The following EARS2 variants were observed in gnomAD, a reference collection of about 807,000 sequenced individuals.
EARS2 encodes the protein nondiscriminating glutamyl-tRNA synthetase EARS2, mitochondrial.
EARS2 carries 50 observed loss-of-function variants against 54.1 expected under a neutral mutation model. That is an observed-to-expected ratio of 0.92 (90% CI 0.74 to 1.17). The LOEUF is 1.17. Among genes scored for constraint, EARS2 ranks in the 50% most tolerant of loss-of-function variants. The pLI is 0.00. For missense variants in EARS2, 673 were observed against 675.0 expected, an observed-to-expected ratio of 1.00 and a Z score of 0.03; for synonymous variants, 298 against 281.0, an observed-to-expected ratio of 1.06 and a Z score of -0.61.
At chr16:23,539,487 G>C (rs1029871708) in intron 3 of EARS2, among the ~76,000 whole-genome samples, 59 of 152,042 alleles carry the variant, frequency 3.9e-4, no homozygotes, top group Admixed American at 3.9e-3. Flanking sequence ...TGACCCATAG[G>C]GTTCTGGGTA....
At chr16:23,532,578 C>T in intron 5 of EARS2, 79 bp downstream of exon 5, 3 of 991,076 alleles carry the variant, frequency 3.0e-6, no homozygotes, top group Non-Finnish European at 3.1e-6. Flanking sequence ...TACCAGAGCC[C>T]ATTATACCCT....
rs754591037 is a variant in EARS2, at chr16:23,544,714, G to T, written c.296-11C>A. The T allele has an allele frequency of 1.9e-6, 3 of 1,592,226 alleles. No homozygotes were observed. In the East Asian group the frequency reaches 6.8e-5, roughly 36 times the overall value. On this transcript the variant is annotated splice_polypyrimidine_tract_variant and intron_variant, in intron 2 of 8. Coordinates refer to ENST00000449606, the MANE Select transcript of EARS2 (RefSeq NM_001083614.2). ...CATCAGGCGGGATGCCTGGAACACA[G>T]GGAATAATGACAGCTAAGGTGCACA...
chr16:23,557,235 C>A lies in EARS2; in HGVS notation c.109G>T (p.Val37Leu). The change falls in exon 1 of 9, where the codon GTG becomes TTG. Residue 37 changes from valine to leucine, a missense_variant. Coordinates refer to ENST00000449606, the MANE Select transcript of EARS2 (RefSeq NM_001083614.2). The part of the protein sequence containing the change: ...ANLGTDAGVA[V>L]RVRFAPSPTG... ...GGGCTGGGAGCGAACCGCACTCGCA[C>A]CGCAACCCCGGCATCAGTGCCCAGG... The A allele has an allele frequency of 6.6e-7, 1 of 1,519,870 alleles. No homozygotes were observed. The highest frequency in any genetic ancestry group is 8.7e-7 in the Non-Finnish European group (1 of 1,143,358). The allele number at this position is 1,519,870 out of a possible 1,614,324, so 94.1% of individuals were successfully genotyped here.
intron 1 of EARS2, among the ~76,000 whole-genome samples, chr16:23,554,160 C>A (rs1351804540): frequency 6.6e-6 from 1 of 152,008 alleles, no homozygotes; most frequent in Non-Finnish European, 1.5e-5. Flanking sequence ...CAAGTGTACA[C>A]CACCATGCCC....
intron 2 of EARS2, among the ~76,000 whole-genome samples, chr16:23,547,184 T>TA (rs553003593): frequency 2.6e-5 from 4 of 152,154 alleles, no homozygotes; most frequent in Non-Finnish European, 5.9e-5. Context: ...TATTTGGCTA[T>TA]AAAAAGGAAT....
chr16:23,535,274 A>T lies in EARS2; in HGVS notation c.572T>A (p.Leu191Gln). The change falls in exon 4 of 9, where the codon CTG becomes CAG. Residue 191 changes from leucine to glutamine, a missense_variant. Leu to Gln is a moderately radical substitution (Grantham distance 113). This residue lies in a region of EARS2 where 316 missense variants were observed against 275.2 expected (regional missense o/e 1.15). Transcript: ENST00000449606. ...CTGGAAGGCTGGCACCACCTGCTCC[A>T]GGCGGAAGCGGATCGCAGGCTTGGG... ...KDPKPAIRFR[L>Q]EQVVPAFQDL... is the part of the protein sequence containing the mutation. 1 of 1,608,140 alleles carries T rather than the reference A, an allele frequency of 6.2e-7. No homozygotes were observed. Among genetic ancestry groups the T allele is most frequent in the Non-Finnish European group, 8.5e-7 (1 of 1,179,034 alleles).
intron 3 of EARS2, among the ~76,000 whole-genome samples, chr16:23,543,179 G>T (rs1205001655): frequency 3.3e-5 from 5 of 151,354 alleles, no homozygotes; most frequent in Non-Finnish European, 7.4e-5. Context: ...AGCACTTTAG[G>T]AGGCCAAGGT....
chr16:23,533,152 C>T (rs904145723), intron 4 of EARS2, among the ~76,000 whole-genome samples: 7 of 152,072 alleles, frequency 4.6e-5, no homozygotes, highest in East Asian at 1.9e-4. Context: ...GGTGTGGTGG[C>T]GCATGCCTGT....
intron 7 of EARS2, 61 bp downstream of exon 7, chr16:23,529,441 C>G: frequency 6.4e-7 from 1 of 1,573,944 alleles, no homozygotes; most frequent in East Asian, 2.3e-5. Context: ...GGAAAGAGAG[C>G]CATGGGACAG....
chr16:23,534,052 CAAA>C (rs34263060), intron 4 of EARS2, among the ~76,000 whole-genome samples: 26 of 135,294 alleles, frequency 1.9e-4, no homozygotes, highest in Admixed American at 3.7e-4. Context: ...AGTTCTGTCT[CAAA>C]AAAAAAAAAA....
chr16:23,529,960 C>T lies in EARS2; in HGVS notation c.1068-63G>A, dbSNP rs1956409743. On this transcript the variant is annotated intron_variant, in intron 5 of 8. Coordinates refer to ENST00000449606, the MANE Select transcript of EARS2 (RefSeq NM_001083614.2). ...CCCCAACCCACCCAAACCGTCTCTCCCCCAGGGAAAGGGTGAAGTTGGAAG... is the reference window on the plus strand; with the variant it reads ...CCCCAACCCACCCAAACCGTCTCTCTCCCAGGGAAAGGGTGAAGTTGGAAG... 4 of 1,583,584 alleles carry T rather than the reference C, an allele frequency of 2.5e-6. No homozygotes were observed. In the Admixed American group the frequency reaches 5.3e-5, roughly 21 times the overall value.
chr16:23,525,955 A>T (rs1965219461), intron 7 of EARS2, among the ~76,000 whole-genome samples: 1 of 149,648 alleles, frequency 6.7e-6, no homozygotes, highest in Non-Finnish European at 1.5e-5. Context: ...CCGAGATTGC[A>T]CCATTGCACT....
chr16:23,547,778 G>A (rs1189077632), intron 2 of EARS2, among the ~76,000 whole-genome samples: 1 of 152,078 alleles, frequency 6.6e-6, no homozygotes, highest in African/African-American at 2.4e-5. Context: ...CCATGTGAGA[G>A]CCACCACGCC....
intron 1 of EARS2, chr16:23,556,913 C>T (rs1374645810): frequency 1.6e-6 from 1 of 637,934 alleles, no homozygotes; most frequent in South Asian, 1.5e-5. Context: ...CACTGTATCC[C>T]AGCGTCTACA....
chr16:23,538,222 A>T (rs1348922281), intron 3 of EARS2, among the ~76,000 whole-genome samples: 2 of 152,010 alleles, frequency 1.3e-5, no homozygotes, highest in Non-Finnish European at 2.9e-5. Flanking sequence ...CCCAGGCTGG[A>T]GTGCAGCGGC....
At chr16:23,536,362 T>C (rs1406978421) in intron 3 of EARS2, among the ~76,000 whole-genome samples, 1 of 152,188 alleles carries the variant, frequency 6.6e-6, no homozygotes, top group Non-Finnish European at 1.5e-5. Context: ...CCCAGTGTTT[T>C]GGGAGGTCAA....
rs1965148265 is a variant in EARS2, at chr16:23,522,019, T to C, written c.*2352A>G. On this transcript the variant is annotated 3_prime_UTR_variant, in exon 9 of 9. Transcript: ENST00000449606. ...AAAAAAAATACTGCTTCTCTCATAG[T>C]GTTATAAAAAAAATTTACTGAGATG... 3 of 338,998 alleles carry C rather than the reference T, an allele frequency of 8.8e-6. No homozygotes were observed. Among genetic ancestry groups the C allele is most frequent in the East Asian group, 7.4e-5 (1 of 13,554 alleles). 21.0% of individuals were successfully genotyped at this position (338,998 alleles called of 1,614,324 possible).
At chr16:23,531,785 A>C (rs555971119) in intron 5 of EARS2, among the ~76,000 whole-genome samples, 21 of 152,236 alleles carry the variant, frequency 1.4e-4, no homozygotes, top group Non-Finnish European at 1.8e-4. Context: ...CCCTCACCCC[A>C]GGTGCACACC....
rs774553761 is a variant in EARS2, at chr16:23,534,929, G to C, written c.917C>G (p.Ser306Cys). 22 of 1,599,342 alleles carry C rather than the reference G, an allele frequency of 1.4e-5. No individual in the cohort carries two copies. Among genetic ancestry groups the C allele is most frequent in the Middle Eastern group, 1.7e-4 (1 of 5,874 alleles). The change falls in exon 4 of 9, where the codon TCC becomes TGC. Residue 306 changes from serine (S) to cysteine (C), a missense_variant. Around this residue, in one of 3 missense-constraint regions of EARS2, gnomAD observed 338 missense variants for 361.2 expected, o/e 0.94. Coordinates refer to ENST00000449606, the MANE Select transcript of EARS2 (RefSeq NM_001083614.2). ...HFAADGFLPD[S>C]LLDIITNCGS... is the part of the protein sequence containing the mutation. Reference sequence around the variant, plus strand: ...ACAGTTGGTGATGATGTCCAACAAGGAATCGGGCAGGAAGCCATCAGCAGC... The same window carrying C: ...ACAGTTGGTGATGATGTCCAACAAGCAATCGGGCAGGAAGCCATCAGCAGC...
Sources: allele counts gnomAD v4.1 joint callset (sites outside exome capture counted in the v4.1 genomes callset), GRCh38; gene constraint gnomAD v4.1.1; regional missense constraint gnomAD v4.1.1; transcripts MANE v1.5; gene names NCBI Gene and HGNC (gene_info 2026-07-23, HGNC 2026-07-21).